ATL2: variants seen among roughly 807,000 people sequenced by gnomAD.
ATL2 encodes the protein atlastin GTPase 2, also known as atlastin-2.
A neutral mutation model predicts 73.9 loss-of-function variants in ATL2; 31 were observed. The observed-to-expected ratio is 0.42, with a 90% CI of 0.32 to 0.57. The LOEUF is 0.57. Ranked by LOEUF, ATL2 falls within the 20% of genes least tolerant of loss-of-function variation. The pLI is 0.14. For synonymous variants in ATL2, 291 were observed against 237.5 expected (o/e 1.23, Z -2.07); for missense variants, 738 against 702.6 (o/e 1.05, Z -0.57).
chr2:38,376,749 C>T (rs1439627763), intron 1 of ATL2, among the ~76,000 whole-genome samples: 2 of 151,986 alleles, frequency 1.3e-5, no homozygotes, highest in Non-Finnish European at 1.5e-5. Flanking sequence ...CCGCCGCGTC[C>T]GGAGCTCGCC....
At chr2:38,304,578 T>A (rs1667351696) in intron 9 of ATL2, among the ~76,000 whole-genome samples, 1 of 152,182 alleles carries the variant, frequency 6.6e-6, no homozygotes, top group Admixed American at 6.5e-5. Flanking sequence ...AAAATATTAA[T>A]TAACAACCAC....
chr2:38,315,258 T>A, intron 5 of ATL2, 26 bp downstream of exon 5: 1 of 1,468,678 alleles, frequency 6.8e-7, no homozygotes, highest in South Asian at 1.4e-5. Flanking sequence ...TCTCAAAAAA[T>A]AAAAATTAAA....
At chr2:38,296,331 T>C in intron 12 of ATL2, 1 of 1,450,900 alleles carries the variant, frequency 6.9e-7, no homozygotes, top group Non-Finnish European at 9.0e-7. Context: ...TTACAATTCC[T>C]ATGAGATGGA....
intron 2 of ATL2, among the ~76,000 whole-genome samples, chr2:38,333,278 G>A (rs1308973087): frequency 6.6e-6 from 1 of 152,104 alleles, no homozygotes; most frequent in Non-Finnish European, 1.5e-5. Context: ...AACAGAGCGA[G>A]ACGATATCTC....
At chr2:38,300,111 G>C (rs1450378907) in intron 10 of ATL2, among the ~76,000 whole-genome samples, 161 bp downstream of exon 10, 2 of 152,072 alleles carry the variant, frequency 1.3e-5, no homozygotes, top group Admixed American at 1.3e-4. Context: ...AAAAAAAATT[G>C]TATGAAACCT....
At chr2:38,363,835 T>C (rs61605026) in intron 1 of ATL2, among the ~76,000 whole-genome samples, 18,632 of 152,248 alleles carry the variant, frequency 0.12, 3,366 homozygotes, top group African/African-American at 0.4. Context: ...AAAAGGATAC[T>C]GTAAAATAAA....
At chr2:38,319,586 G>C (rs181033970) in intron 2 of ATL2, among the ~76,000 whole-genome samples, 7 of 142,960 alleles carry the variant, frequency 4.9e-5, no homozygotes, top group Admixed American at 4.2e-4. Flanking sequence ...GTGACAGAGT[G>C]AGATCCTGCC....
At chr2:38,303,607 C>G (rs1048523743) in intron 9 of ATL2, among the ~76,000 whole-genome samples, 1 of 151,996 alleles carries the variant, frequency 6.6e-6, no homozygotes, top group Non-Finnish European at 1.5e-5. Context: ...TGAAGCATGC[C>G]TACAAGATCT....
At chr2:38,341,631 T>C (rs1174524699) in intron 2 of ATL2, among the ~76,000 whole-genome samples, 1 of 152,236 alleles carries the variant, frequency 6.6e-6, no homozygotes, top group East Asian at 1.9e-4. Context: ...CTCCAGCCTA[T>C]GTGACAGAGT....
chr2:38,369,279 C>T (rs1366611331), intron 1 of ATL2, among the ~76,000 whole-genome samples: 1 of 151,210 alleles, frequency 6.6e-6, no homozygotes, highest in African/African-American at 2.4e-5. Flanking sequence ...GTGAAACCCC[C>T]ATCTCTACTA....
intron 2 of ATL2, among the ~76,000 whole-genome samples, chr2:38,327,735 T>A (rs10207054): frequency 0.28 from 43,101 of 151,884 alleles, 6,176 homozygotes; most frequent in South Asian, 0.37. Context: ...CAGGAGTTCG[T>A]GATCAGTCTG....
At chr2:38,339,636 G>A (rs1006572733) in intron 2 of ATL2, among the ~76,000 whole-genome samples, 2 of 152,198 alleles carry the variant, frequency 1.3e-5, no homozygotes. Flanking sequence ...CCCATCAACA[G>A]TTAAATGGAT....
Position 38,343,056 on chromosome 2 carries a change from G to C in ATL2, c.363+212C>G, listed in dbSNP as rs369354942. Among the ~76,000 whole-genome samples, 4 of 149,770 alleles carry C rather than the reference G, an allele frequency of 2.7e-5. No homozygotes were observed. In the East Asian group the frequency reaches 7.8e-4, roughly 29 times the overall value. On this transcript the variant is annotated intron_variant, in intron 2 of 12. Coordinates refer to ENST00000378954, the MANE Select transcript of ATL2 (RefSeq NM_001135673.4). ...CTAGCTTCTCGGGAGGCTGAGGTGG[G>C]AGGATTGCTTGAGATTGGGAGGTTG...
intron 1 of ATL2, among the ~76,000 whole-genome samples, chr2:38,361,045 C>T (rs540921378): frequency 2.6e-5 from 4 of 151,944 alleles, no homozygotes; most frequent in South Asian, 4.2e-4. Context: ...TCCACACCAA[C>T]GTGGAATGAA....
intron 1 of ATL2, among the ~76,000 whole-genome samples, chr2:38,351,408 C>T (rs148065539): frequency 1.4e-4 from 21 of 151,740 alleles, no homozygotes; most frequent in Admixed American, 1.2e-3. Context: ...GGAAAGTGGC[C>T]GAACAGTTAT....
At chr2:38,311,203 T>C (rs1667740790) in intron 7 of ATL2, among the ~76,000 whole-genome samples, 1 of 152,068 alleles carries the variant, frequency 6.6e-6, no homozygotes, top group Admixed American at 6.5e-5. Context: ...AAAATTACAG[T>C]GCAGTACAAA....
At chr2:38,320,130 A>C (rs190673445) in intron 2 of ATL2, among the ~76,000 whole-genome samples, 66 of 152,298 alleles carry the variant, frequency 4.3e-4, no homozygotes, top group Non-Finnish European at 6.6e-4. Context: ...AAAAAAATCA[A>C]TTTAAAAAAT....
At chr2:38,313,989 C>A (rs1486155659) in intron 6 of ATL2, among the ~76,000 whole-genome samples, 1 of 152,122 alleles carries the variant, frequency 6.6e-6, no homozygotes. Flanking sequence ...ATAAAAGTGA[C>A]CATACTAGCC....
intron 1 of ATL2, among the ~76,000 whole-genome samples, chr2:38,355,834 G>C (rs964273978): frequency 6.6e-6 from 1 of 151,404 alleles, no homozygotes; most frequent in Non-Finnish European, 1.5e-5. Context: ...TGAGTAGTTG[G>C]GATTACAGGC....
Sources: allele counts gnomAD v4.1 joint callset (sites outside exome capture counted in the v4.1 genomes callset), GRCh38; gene constraint gnomAD v4.1.1; transcripts MANE v1.5; gene names NCBI Gene and HGNC (gene_info 2026-07-23, HGNC 2026-07-21).